ITSN1: variants seen among roughly 807,000 people sequenced by gnomAD.
ITSN1 encodes intersectin 1.
Under a neutral mutation model 239.8 loss-of-function variants are expected in ITSN1, and 58 were observed. The ratio of observed to expected loss-of-function variants is 0.24; its 90% CI spans 0.20 to 0.30. The LOEUF is 0.30. ITSN1 is among the 10% of genes least tolerant of loss of function. The pLI is 1.00. For synonymous variants in ITSN1, 780 were observed against 770.8 expected (o/e 1.01, Z -0.20); for missense variants, 1,558 against 2,103.3 (o/e 0.74, Z 5.07).
intron 36 of ITSN1, 25 bp downstream of exon 36, chr21:33,883,696 T>TG (rs1985308436): frequency 6.2e-7 from 1 of 1,609,474 alleles, no homozygotes. Flanking sequence ...CTCCCCAGCA[T>TG]GGGCCCCAGG....
intron 34 of ITSN1, among the ~76,000 whole-genome samples, chr21:33,879,026 G>A (rs940189673): frequency 6.6e-6 from 1 of 152,102 alleles, no homozygotes; most frequent in African/African-American, 2.4e-5. Flanking sequence ...CCCTGGAGGT[G>A]ATGCTTGACT....
chr21:33,797,330 G>A lies in ITSN1; in HGVS notation c.1953-49G>A. 1 of 1,527,960 alleles carries A rather than the reference G, an allele frequency of 6.5e-7. No homozygotes were observed. The highest frequency in any genetic ancestry group is 9.1e-7 in the Non-Finnish European group (1 of 1,104,722). The allele number at this position is 1,527,960 out of a possible 1,614,324, so 94.7% of individuals were successfully genotyped here. ...TTTTGTGAAAAGAGGCAACAGTAGTGTTAACTTAGAGTTGCTTTCTTGCTG... is the reference window on the plus strand; with the variant it reads ...TTTTGTGAAAAGAGGCAACAGTAGTATTAACTTAGAGTTGCTTTCTTGCTG... On this transcript the variant is annotated intron_variant, in intron 17 of 39. Coordinates refer to ENST00000381318, the MANE Select transcript of ITSN1 (RefSeq NM_003024.3). This position sits in a 1 kb window ranked among gnomAD's most constrained non-coding sequence, Gnocchi z 4.9.
chr21:33,649,100 T>C (rs1020139844), intron 1 of ITSN1, among the ~76,000 whole-genome samples: 5 of 152,352 alleles, frequency 3.3e-5, no homozygotes, highest in African/African-American at 1.2e-4. Flanking sequence ...AACGCAAGAC[T>C]GTACAGAAGT....
intron 22 of ITSN1, 26 bp from the exon 23 acceptor site, chr21:33,818,241 A>T (rs764704064): frequency 6.3e-7 from 1 of 1,591,244 alleles, no homozygotes; most frequent in Non-Finnish European, 8.6e-7. Flanking sequence ...ACATAACGAG[A>T]GGTCCTTTAT....
rs1404009927 is a variant in ITSN1 at position 33,814,082 on chromosome 21, G to A, written c.2727+10G>A. ...TCCTGTGCTAGGCCAGGTAAAGGCA[G>A]CCAGTGAGAGTGTGAAGACTTAGCA... is the stretch of plus-strand genomic sequence containing the variant. On this transcript the variant is annotated intron_variant, in intron 22 of 39. Transcript: ENST00000381318. 13 of 1,613,332 alleles carry A rather than the reference G, an allele frequency of 8.1e-6. No individual in the cohort carries two copies. The highest frequency in any genetic ancestry group is 1.1e-5 in the Non-Finnish European group (13 of 1,179,648).
rs1986372188 is a variant in ITSN1, at chr21:33,891,656, A to C, written c.*3356A>C. 1 of 152,230 alleles carries C rather than the reference A, an allele frequency of 6.6e-6. No homozygotes were observed. Among genetic ancestry groups the C allele is most frequent in the African/African-American group, 2.4e-5 (1 of 41,448 alleles). The allele number at this position is 152,230 out of a possible 1,614,324, so 9.4% of individuals were successfully genotyped here. A position where few individuals can be genotyped will look rare whatever the true frequency, so the allele number is the denominator to read the frequency against. On this transcript the variant is annotated 3_prime_UTR_variant, in exon 40 of 40. Coordinates refer to ENST00000381318, the MANE Select transcript of ITSN1 (RefSeq NM_003024.3). ...CCGGCTGTCTCTCCAGGAACTGGCT[A>C]GGACAAGTGTAAAGCCACTGACCAC...
At chr21:33,795,053 A>G (rs2071431469) in intron 17 of ITSN1, among the ~76,000 whole-genome samples, 1 of 152,178 alleles carries the variant, frequency 6.6e-6, no homozygotes, top group Non-Finnish European at 1.5e-5. Context: ...TGATTTTGTT[A>G]CTGGGTATTT....
At chr21:33,716,499 A>G (rs75089747) in intron 1 of ITSN1, 7,170 of 152,308 alleles carry the variant, frequency 0.047, 255 homozygotes, top group Non-Finnish European at 0.069. Context: ...AAAACTTAAC[A>G]GCTTCGGTGA....
At chr21:33,825,744 T>C (rs2073940761) in intron 25 of ITSN1, among the ~76,000 whole-genome samples, 2 of 152,244 alleles carry the variant, frequency 1.3e-5, no homozygotes, top group African/African-American at 4.8e-5. Flanking sequence ...TTTTTTGATA[T>C]GCAGCCTATT....
chr21:33,808,589 A>G (rs1278432450), intron 20 of ITSN1, among the ~76,000 whole-genome samples: 2 of 152,116 alleles, frequency 1.3e-5, no homozygotes, highest in African/African-American at 4.8e-5. Flanking sequence ...CCATCTCAAA[A>G]AAAAAAAAAA....
Position 33,750,267 on chromosome 21 carries a change from C to T in ITSN1, c.471C>T (p.Pro157=), listed in dbSNP as rs142873701. The T allele has an allele frequency of 3.3e-5, 53 of 1,613,954 alleles. No homozygotes were observed. Among genetic ancestry groups the T allele is most frequent in the Non-Finnish European group, 2.9e-5 (34 of 1,180,036 alleles). ...CTGTTCCCACAGCAGCTGTGCCCCCCCTGGCTAACGGGGCTCCCCCTGTTA... is the reference window on the plus strand; with the variant it reads ...CTGTTCCCACAGCAGCTGTGCCCCCTCTGGCTAACGGGGCTCCCCCTGTTA... ...VSSVPTAAVP[P]LANGAPPVIQ... The change falls in exon 6 of 40, where the codon CCC becomes CCT. Residue 157 remains proline, a synonymous_variant. Transcript: ENST00000381318.
intron 31 of ITSN1, among the ~76,000 whole-genome samples, chr21:33,863,882 T>G (rs1981094759): frequency 6.6e-6 from 1 of 152,204 alleles, no homozygotes; most frequent in South Asian, 2.1e-4. Flanking sequence ...TGGGCCATCC[T>G]GAGGACACCA....
chr21:33,717,290 G>A (rs1360845891), intron 1 of ITSN1, among the ~76,000 whole-genome samples: 2 of 151,464 alleles, frequency 1.3e-5, no homozygotes, highest in Non-Finnish European at 2.9e-5. Flanking sequence ...TTGACCTCCC[G>A]AGCTCAGGTT....
At chr21:33,743,631 TTAAAA>T (rs1348231887) in intron 5 of ITSN1, among the ~76,000 whole-genome samples, 1 of 152,170 alleles carries the variant, frequency 6.6e-6, no homozygotes, top group Non-Finnish European at 1.5e-5. Context: ...GACAACTTTC[TTAAAA>T]TAAGAGATTC....
At chr21:33,699,037 TATAG>T (rs2091906411) in intron 1 of ITSN1, among the ~76,000 whole-genome samples, 1 of 152,212 alleles carries the variant, frequency 6.6e-6, no homozygotes, top group African/African-American at 2.4e-5. Flanking sequence ...CAAGGACAGA[TATAG>T]ATAGATTAAT....
chr21:33,650,299 C>T (rs1018026002), intron 1 of ITSN1, among the ~76,000 whole-genome samples: 3 of 152,124 alleles, frequency 2.0e-5, no homozygotes, highest in African/African-American at 7.2e-5. Context: ...TAGTGTCAGG[C>T]TTTAACCAAC....
intron 22 of ITSN1, 191 bp downstream of exon 22, chr21:33,814,263 G>A: frequency 2.9e-6 from 1 of 343,060 alleles, no homozygotes; most frequent in Non-Finnish European, 5.6e-6. Flanking sequence ...GTGGGGGTGG[G>A]ACACAGTCAA....
chr21:33,878,212 T>A (rs1984322680), intron 34 of ITSN1, among the ~76,000 whole-genome samples: 1 of 152,068 alleles, frequency 6.6e-6, no homozygotes, highest in South Asian at 2.1e-4. Context: ...TCTATTTTTT[T>A]TGTAGAGACA....
intron 33 of ITSN1, among the ~76,000 whole-genome samples, chr21:33,873,763 T>C (rs1408748680): frequency 1.3e-5 from 2 of 152,086 alleles, no homozygotes; most frequent in African/African-American, 4.8e-5. Flanking sequence ...TCCCAGCTAC[T>C]CAGGAAGCTG....
Sources: gnomAD v4.1 joint callset for allele counts (sites outside exome capture counted in the v4.1 genomes callset) on GRCh38, gnomAD v4.1.1 for gene constraint, Gnocchi (gnomAD v3.1) non-coding constraint, MANE v1.5 for transcripts, NCBI Gene and HGNC (gene_info 2026-07-23, HGNC 2026-07-21) for gene names.